DMD: variants seen among roughly 807,000 people sequenced by gnomAD.
The protein encoded by DMD is mutant dystrophin.
DMD carries 63 observed loss-of-function variants against 330.1 expected under a neutral mutation model. The observed-to-expected ratio is 0.19, with a 90% CI of 0.16 to 0.24. The LOEUF (loss-of-function observed/expected upper bound fraction) is 0.24, where lower values mean the gene tolerates loss of function less well. DMD is among the 10% of genes least tolerant of loss of function. DMD has a pLI of 1.00. For synonymous variants in DMD, 1,223 were observed against 959.8 expected, an observed-to-expected ratio of 1.27 and a Z score of -5.07; for missense variants, 3,344 against 2,684.1, an observed-to-expected ratio of 1.25 and a Z score of -5.43.
chrX:32,755,875 G>C (rs1476821060), intron 7 of DMD, among the ~76,000 whole-genome samples: 1 of 111,913 alleles, frequency 8.9e-6, no homozygotes, highest in African/African-American at 3.2e-5. Flanking sequence ...TATATTAACT[G>C]CTCCACTGGA....
chrX:31,874,908 A>C (rs1399937010), intron 48 of DMD, among the ~76,000 whole-genome samples: 1 of 110,675 alleles, frequency 9.0e-6, no homozygotes, highest in Non-Finnish European at 1.9e-5. Flanking sequence ...TCCTCTTAAT[A>C]ATTTTCCATC....
At chrX:33,042,421 C>T in intron 1 of DMD, among the ~76,000 whole-genome samples, 1 of 112,214 alleles carries the variant, frequency 8.9e-6, no homozygotes, top group Non-Finnish European at 1.9e-5. Flanking sequence ...CAATTTGCAG[C>T]CTTTTGTAGA....
chrX:32,123,213 A>G (rs1231722677), intron 44 of DMD, among the ~76,000 whole-genome samples: 1 of 65,679 alleles, frequency 1.5e-5, no homozygotes, highest in Non-Finnish European at 3.0e-5. Flanking sequence ...ATATATATAT[A>G]TATATATATA....
chrX:31,643,108 C>G (rs754174484), intron 54 of DMD, among the ~76,000 whole-genome samples: 2 of 111,581 alleles, frequency 1.8e-5, no homozygotes, highest in Non-Finnish European at 3.8e-5. Flanking sequence ...CTCTTAGAGA[C>G]CATTGTTCAT....
chrX:33,036,745 T>C (rs977433430), intron 1 of DMD, among the ~76,000 whole-genome samples: 1 of 111,226 alleles, frequency 9.0e-6, no homozygotes, highest in Non-Finnish European at 1.9e-5. Context: ...GTAATTCATA[T>C]GTAATTCAAT....
intron 47 of DMD, among the ~76,000 whole-genome samples, chrX:31,902,655 T>C (rs1009628001): frequency 8.9e-6 from 1 of 111,973 alleles, no homozygotes; most frequent in Non-Finnish European, 1.9e-5. Context: ...CTGCAAAATG[T>C]AACTGACGGT....
chrX:32,737,219 G>A (rs2068633966), intron 7 of DMD, among the ~76,000 whole-genome samples: 2 of 110,301 alleles, frequency 1.8e-5, no homozygotes, highest in African/African-American at 6.6e-5. Context: ...TTCAAGACGT[G>A]AAGTGTGAAT....
At chrX:33,179,137 C>G (rs1217440795) in intron 1 of DMD, among the ~76,000 whole-genome samples, 3 of 111,719 alleles carry the variant, frequency 2.7e-5, no homozygotes, top group African/African-American at 6.5e-5. Flanking sequence ...AATTGGAGTA[C>G]AGCCTGAAGT....
intron 62 of DMD, among the ~76,000 whole-genome samples, chrX:31,307,258 G>A (rs2055110897): frequency 8.9e-6 from 1 of 111,810 alleles, no homozygotes; most frequent in Non-Finnish European, 1.9e-5. Context: ...ATCCCTCCAT[G>A]TTAATTTTTT....
intron 60 of DMD, among the ~76,000 whole-genome samples, chrX:31,354,389 C>T (rs1185527458): frequency 9.0e-6 from 1 of 110,651 alleles, no homozygotes; most frequent in East Asian, 2.8e-4. Context: ...TCCTTCTTTT[C>T]TTCCTTCCTC....
intron 37 of DMD, among the ~76,000 whole-genome samples, chrX:32,350,730 C>A (rs999647121): frequency 9.0e-6 from 1 of 111,230 alleles, no homozygotes; most frequent in Non-Finnish European, 1.9e-5. Context: ...TGCTGAAGAA[C>A]CTCCTGCATC....
At chrX:32,516,658 T>C (rs1469294579) in intron 18 of DMD, 1 of 111,767 alleles carries the variant, frequency 8.9e-6, no homozygotes, top group Non-Finnish European at 1.9e-5. Flanking sequence ...TGATTCATAC[T>C]TTCAGTGGTC....
At chrX:32,642,303 TA>T (rs1196697373) in intron 11 of DMD, among the ~76,000 whole-genome samples, 2 of 112,550 alleles carry the variant, frequency 1.8e-5, no homozygotes, top group South Asian at 3.6e-4. Context: ...TGTCTCATTT[TA>T]AAAACTCTGT....
At chrX:31,680,023 A>C (rs1425191371) in intron 52 of DMD, among the ~76,000 whole-genome samples, 1 of 112,402 alleles carries the variant, frequency 8.9e-6, no homozygotes, top group African/African-American at 3.2e-5. Flanking sequence ...CATACCAGGC[A>C]ACTGATGCCT....
At chrX:32,704,867 C>A (rs991515643) in intron 7 of DMD, among the ~76,000 whole-genome samples, 10 of 111,815 alleles carry the variant, frequency 8.9e-5, no homozygotes, top group Non-Finnish European at 1.5e-4. Context: ...TAAACAATAA[C>A]CTAATTCATT....
intron 30 of DMD, among the ~76,000 whole-genome samples, chrX:32,408,103 C>T (rs1442033692): frequency 9.0e-6 from 1 of 110,610 alleles, no homozygotes; most frequent in Non-Finnish European, 1.9e-5. Context: ...TGCACATGTA[C>T]CCTAAAACTT....
chrX:32,294,588 A>G (rs2097487737), intron 42 of DMD, among the ~76,000 whole-genome samples: 1 of 111,319 alleles, frequency 9.0e-6, no homozygotes, highest in Non-Finnish European at 1.9e-5. Flanking sequence ...CATGTTACTA[A>G]CGCGGGAAAA....
intron 1 of DMD, among the ~76,000 whole-genome samples, chrX:33,207,531 A>G (rs1013634961): frequency 3.6e-5 from 4 of 111,626 alleles, no homozygotes; most frequent in Non-Finnish European, 7.5e-5. Flanking sequence ...CACTTTTAGT[A>G]TTAAGTAGAG....
chrX:32,878,940 G>A (rs988262650), intron 2 of DMD, among the ~76,000 whole-genome samples: 3 of 107,389 alleles, frequency 2.8e-5, no homozygotes, highest in Non-Finnish European at 3.8e-5. Context: ...CCCGGGAGGC[G>A]GAGGTTGCAT....
Sources: gnomAD v4.1 joint callset for allele counts (sites outside exome capture counted in the v4.1 genomes callset) on GRCh38, gnomAD v4.1.1 for gene constraint, MANE v1.5 for transcripts, NCBI Gene and HGNC (gene_info 2026-07-23, HGNC 2026-07-21) for gene names.